The following PTPRZ1 variants were observed in gnomAD, a reference collection of about 807,000 sequenced individuals.
The protein encoded by PTPRZ1 is protein tyrosine phosphatase receptor type Z1, also known as receptor-type tyrosine-protein phosphatase zeta.
PTPRZ1 carries 82 observed loss-of-function variants against 214.1 expected under a neutral mutation model. The observed-to-expected ratio is 0.38, with a 90% CI of 0.32 to 0.46. PTPRZ1 has a LOEUF of 0.46. Among genes scored for constraint, PTPRZ1 ranks in the 20% least tolerant of loss-of-function variants. PTPRZ1 has a pLI of 1.00. For synonymous variants in PTPRZ1, 945 were observed against 987.9 expected, an observed-to-expected ratio of 0.96 and a Z score of 0.81; for missense variants, 2,603 against 2,748.7, an observed-to-expected ratio of 0.95 and a Z score of 1.19.
At chr7:121,938,128 T>C (rs1324087720) in intron 2 of PTPRZ1, among the ~76,000 whole-genome samples, 1 of 152,144 alleles carries the variant, frequency 6.6e-6, no homozygotes, top group Non-Finnish European at 1.5e-5. Context: ...TGGGGAAATA[T>C]AATTAAAAAC....
At chr7:122,038,028 G>A (rs1799600484) in intron 18 of PTPRZ1, among the ~76,000 whole-genome samples, 1 of 152,158 alleles carries the variant, frequency 6.6e-6, no homozygotes, top group Non-Finnish European at 1.5e-5. Flanking sequence ...CAGAATGGCA[G>A]GAGAGAGAAT....
intron 1 of PTPRZ1, among the ~76,000 whole-genome samples, chr7:121,882,979 A>G (rs551914440): frequency 4.3e-4 from 65 of 152,316 alleles, no homozygotes; most frequent in Admixed American, 5.9e-4. Flanking sequence ...AAGATGTAGC[A>G]TGGAACACAG....
chr7:121,915,044 C>A (rs899454663), intron 1 of PTPRZ1, among the ~76,000 whole-genome samples: 3 of 152,038 alleles, frequency 2.0e-5, no homozygotes, highest in Admixed American at 2.0e-4. Flanking sequence ...TGGGGGTAGT[C>A]TTTCTCCCTG....
intron 2 of PTPRZ1, among the ~76,000 whole-genome samples, chr7:121,935,395 CCTT>C (rs1048520224): frequency 5.9e-5 from 9 of 152,008 alleles, no homozygotes; most frequent in South Asian, 2.1e-4. Flanking sequence ...AAACTTGGCC[CCTT>C]CTTCTTCTGT....
At position 122,036,592 on chromosome 7, in the gene PTPRZ1, T is replaced by C; in HGVS notation, c.5285-8T>C. 1 of 1,567,594 alleles carries C rather than the reference T, an allele frequency of 6.4e-7. No homozygotes were observed. Among genetic ancestry groups the C allele is most frequent in the African/African-American group, 1.4e-5 (1 of 73,988 alleles). On this transcript the variant is annotated splice_polypyrimidine_tract_variant and splice_region_variant and intron_variant, in intron 17 of 29. Coordinates refer to ENST00000393386, the MANE Select transcript of PTPRZ1 (RefSeq NM_002851.3). ...GCTACAATGAAATATATTCTCTTTA[T>C]ATTACAGATGATCATAGCAGGGTTA...
rs1372394213 is a variant in PTPRZ1, at chr7:121,936,863, AGCT to A, written c.124+8643_124+8645del. On this transcript the variant is annotated intron_variant, in intron 2 of 29. Coordinates refer to ENST00000393386, the MANE Select transcript of PTPRZ1 (RefSeq NM_002851.3). ...AGTTGCACATTGTCGCAGAGTCAGG[AGCT>A]TGTGAAATTACAGTGGCAAACAGAA... is the stretch of plus-strand genomic sequence containing the variant. Among the ~76,000 whole-genome samples the A allele has an allele frequency of 2.0e-5, 3 of 152,296 alleles. No homozygotes were observed. The East Asian group carries it at 5.8e-4, about 29-fold the overall frequency.
chr7:121,879,960 T>C (rs1418928631), intron 1 of PTPRZ1, among the ~76,000 whole-genome samples: 1 of 152,214 alleles, frequency 6.6e-6, no homozygotes, highest in African/African-American at 2.4e-5. Context: ...TAAACTTAAG[T>C]TTGCTCAGCA....
chr7:121,921,494 T>C (rs1795595395), intron 1 of PTPRZ1, among the ~76,000 whole-genome samples: 1 of 152,172 alleles, frequency 6.6e-6, no homozygotes, highest in Non-Finnish European at 1.5e-5. Context: ...TCTCCTTGAA[T>C]GATTTTACCA....
intron 1 of PTPRZ1, among the ~76,000 whole-genome samples, chr7:121,920,805 T>G (rs576005150): frequency 6.6e-6 from 1 of 152,270 alleles, no homozygotes; most frequent in Admixed American, 6.5e-5. Context: ...AACTTTTAAT[T>G]TTAGCACCCA....
intron 13 of PTPRZ1, among the ~76,000 whole-genome samples, chr7:122,023,723 T>TG (rs1187705353): frequency 4.3e-5 from 3 of 70,194 alleles, no homozygotes; most frequent in South Asian, 7.2e-4. Flanking sequence ...ATTATATATA[T>TG]TATATGTATA....
intron 10 of PTPRZ1, among the ~76,000 whole-genome samples, chr7:122,001,677 T>A (rs900028167): frequency 1.3e-5 from 2 of 152,352 alleles, no homozygotes; most frequent in African/African-American, 4.8e-5. Flanking sequence ...TAAGCCTTGC[T>A]TGCTCACCTA....
Position 122,013,426 on chromosome 7 carries a change from C to A in PTPRZ1, c.4380C>A (p.Asp1460Glu). The A allele has an allele frequency of 6.2e-7, 1 of 1,614,146 alleles. No homozygotes were observed. Among genetic ancestry groups the A allele is most frequent in the Non-Finnish European group, 8.5e-7 (1 of 1,180,026 alleles). Reference sequence around the variant, plus strand: ...AGGAAAAGGTAATGAATGATTCAGACACCCACGAAAACAGTCTTATGGATC... The same window carrying A: ...AGGAAAAGGTAATGAATGATTCAGAAACCCACGAAAACAGTCTTATGGATC... ...ESQEKVMNDSDTHENSLMDQN... is the reference protein window; with the variant it reads ...ESQEKVMNDSETHENSLMDQN... Residue 1460 changes from aspartate to glutamate, a missense_variant, in exon 12 of 30, where the codon GAC becomes GAA. Coordinates refer to ENST00000393386, the MANE Select transcript of PTPRZ1 (RefSeq NM_002851.3).
intron 8 of PTPRZ1, among the ~76,000 whole-genome samples, chr7:121,989,428 G>A (rs1033086009): frequency 2.1e-5 from 3 of 145,474 alleles, no homozygotes; most frequent in Non-Finnish European, 3.0e-5. Flanking sequence ...AGGCTGGAGT[G>A]CAATGGCACG....
intron 10 of PTPRZ1, among the ~76,000 whole-genome samples, chr7:121,998,975 G>A (rs1798235283): frequency 6.6e-6 from 1 of 152,026 alleles, no homozygotes; most frequent in South Asian, 2.1e-4. Context: ...GCTGTAGCAG[G>A]GACTTTAATC....
chr7:121,940,008 T>C (rs1018602654), intron 2 of PTPRZ1, among the ~76,000 whole-genome samples: 5 of 152,124 alleles, frequency 3.3e-5, no homozygotes, highest in Non-Finnish European at 7.4e-5. Context: ...CTAAGATCTG[T>C]AGGTGAAGGA....
intron 1 of PTPRZ1, among the ~76,000 whole-genome samples, chr7:121,911,164 T>G (rs1795263638): frequency 6.6e-6 from 1 of 152,156 alleles, no homozygotes; most frequent in African/African-American, 2.4e-5. Context: ...AATATTGTAC[T>G]TATTTAATAG....
At chr7:121,913,555 A>G (rs1302730068) in intron 1 of PTPRZ1, among the ~76,000 whole-genome samples, 1 of 152,234 alleles carries the variant, frequency 6.6e-6, no homozygotes, top group Non-Finnish European at 1.5e-5. Flanking sequence ...TAGTCATTGA[A>G]TTAATTGGTT....
intron 6 of PTPRZ1, among the ~76,000 whole-genome samples, chr7:121,982,927 G>T (rs1797656822): frequency 6.6e-6 from 1 of 152,104 alleles, no homozygotes; most frequent in Non-Finnish European, 1.5e-5. Flanking sequence ...ACAGACACGT[G>T]CCACCATGCC....
intron 3 of PTPRZ1, among the ~76,000 whole-genome samples, chr7:121,969,588 G>A (rs75338622): frequency 0.04 from 5,932 of 148,534 alleles, 132 homozygotes; most frequent in East Asian, 0.085. Context: ...AAAATCTCAT[G>A]AAAGTAGAGA....
Sources: allele counts gnomAD v4.1 joint callset (sites outside exome capture counted in the v4.1 genomes callset), GRCh38; gene constraint gnomAD v4.1.1; transcripts MANE v1.5; gene names NCBI Gene and HGNC (gene_info 2026-07-23, HGNC 2026-07-21).